Variants in TIMMDC1 observed in about 807,000 individuals in gnomAD.
The protein encoded by TIMMDC1 is complex I assembly factor TIMMDC1, mitochondrial.
Under a neutral mutation model 32.6 loss-of-function variants are expected in TIMMDC1, and 25 were observed. That is an observed-to-expected ratio of 0.77 (90% CI 0.56 to 1.07). The LOEUF is 1.07. Ranked by LOEUF, TIMMDC1 falls within the 50% of genes least tolerant of loss-of-function variation. The pLI is 0.00. For missense variants in TIMMDC1, 329 were observed against 349.2 expected, an observed-to-expected ratio of 0.94 and a Z score of 0.46; for synonymous variants, 130 against 127.6, an observed-to-expected ratio of 1.02 and a Z score of -0.13.
chr3:119,516,375 T>C (rs1162134646), intron 5 of TIMMDC1, among the ~76,000 whole-genome samples: 1 of 152,234 alleles, frequency 6.6e-6, no homozygotes, highest in African/African-American at 2.4e-5. Flanking sequence ...GCTTATTTAC[T>C]TAGCATAATA....
chr3:119,516,887 A>AAT lies in TIMMDC1; in HGVS notation c.597-309_597-308dup, dbSNP rs1221773379. Among the ~76,000 whole-genome samples, 8 of 152,200 alleles carry AAT rather than the reference A, an allele frequency of 5.3e-5. 1 individual carries two copies. In the South Asian group the frequency reaches 1.2e-3, roughly 24 times the overall value. On this transcript the variant is annotated intron_variant, in intron 5 of 6. Coordinates refer to ENST00000494664, the MANE Select transcript of TIMMDC1 (RefSeq NM_016589.4). ...GGGCTACTTACTAGAACTTGTCATA[A>AAT]ATATATATATTTTTCCTCTTTGTTT...
In TIMMDC1 at chr3:119,513,729, A is replaced by G. The variant is rs1331592311; in HGVS notation, c.596+10A>G. 5 of 1,577,830 alleles carry G rather than the reference A, an allele frequency of 3.2e-6. No homozygotes were observed. The East Asian group carries it at 9.2e-5, about 29-fold the overall frequency. On this transcript the variant is annotated intron_variant, in intron 5 of 6. Transcript: ENST00000494664. The stretch of plus-strand genomic sequence containing the variant: ...TTGGAGCCTTGCTGGGGTAAGCATT[A>G]ACATGGTTTGGTTCTAAATTGGCAC...
At chr3:119,500,409 A>G (rs547886046) in intron 1 of TIMMDC1, 193 of 299,756 alleles carry the variant, frequency 6.4e-4, no homozygotes, top group African/African-American at 3.9e-3. Context: ...ACCCAGCACT[A>G]AGAAAGAAAT....
At chr3:119,498,957 A>G (rs769609254) in intron 1 of TIMMDC1, 30 bp downstream of exon 1, 4 of 1,607,184 alleles carry the variant, frequency 2.5e-6, no homozygotes, top group Admixed American at 1.7e-5. Context: ...GAAGTGGGGT[A>G]GGGGGCCGCG....
At chr3:119,522,837 A>T (rs552012440) in intron 6 of TIMMDC1, among the ~76,000 whole-genome samples, 27 of 143,564 alleles carry the variant, frequency 1.9e-4, no homozygotes, top group South Asian at 6.7e-4. Context: ...TGTGTGTGTG[A>T]GATATTTCTA....
intron 5 of TIMMDC1, among the ~76,000 whole-genome samples, chr3:119,514,491 G>A (rs1423473496): frequency 1.3e-5 from 2 of 152,116 alleles, no homozygotes; most frequent in South Asian, 4.1e-4. Context: ...CTAAGTTAGG[G>A]TCTATATTAA....
intron 6 of TIMMDC1, 112 bp downstream of exon 6, chr3:119,517,427 T>C: frequency 1.5e-6 from 1 of 671,584 alleles, no homozygotes; most frequent in Non-Finnish European, 2.7e-6. Flanking sequence ...AAAGAAGAGT[T>C]TATTTTTACC....
chr3:119,521,866 A>G (rs1218292136), intron 6 of TIMMDC1, among the ~76,000 whole-genome samples: 1 of 152,184 alleles, frequency 6.6e-6, no homozygotes, highest in Non-Finnish European at 1.5e-5. Context: ...TTGGAGTGAT[A>G]TTTATCCCAA....
In TIMMDC1 at chr3:119,498,829, G is replaced by T; in HGVS notation, c.96G>T (p.Ser32=). ...VFAAEAVTAD[S]EVLEERQKRL... is the part of the protein sequence containing the mutation. The stretch of plus-strand genomic sequence containing the variant: ...CTGCCGAAGCTGTGACTGCCGATTC[G>T]GAAGTCCTTGAGGAGCGTCAGAAGC... The change falls in exon 1 of 7, where the codon TCG becomes TCT. Residue 32 remains serine, a synonymous_variant. Transcript: ENST00000494664. The T allele has an allele frequency of 6.2e-7, 1 of 1,614,168 alleles. No homozygotes were observed. The highest frequency in any genetic ancestry group is 8.5e-7 in the Non-Finnish European group (1 of 1,180,030).
intron 6 of TIMMDC1, among the ~76,000 whole-genome samples, chr3:119,519,374 C>T (rs2082007973): frequency 6.6e-6 from 1 of 151,962 alleles, no homozygotes; most frequent in Admixed American, 6.6e-5. Flanking sequence ...ACTCACTTCA[C>T]CTGTAAAGAT....
chr3:119,513,753 A>G (rs763078629), intron 5 of TIMMDC1, 34 bp downstream of exon 5: 2 of 1,396,562 alleles, frequency 1.4e-6, no homozygotes, highest in South Asian at 2.5e-5. Context: ...CTAAATTGGC[A>G]CAATTTTCAT....
In TIMMDC1 at chr3:119,513,710, C is replaced by T. The variant is rs1380376817; in HGVS notation, c.587C>T (p.Ala196Val). The change falls in exon 5 of 7, where the codon GCC becomes GTC. Residue 196 changes from alanine to valine, a missense_variant. Transcript: ENST00000494664. ...RGLVAGGIIG[A>V]LLGTPVGGLL... ...CTGGTGGCTGGTGGCATAATTGGAG[C>T]CTTGCTGGGGTAAGCATTAACATGG... 10 of 1,606,450 alleles carry T rather than the reference C, an allele frequency of 6.2e-6. No homozygotes were observed. Among genetic ancestry groups the T allele is most frequent in the African/African-American group, 1.3e-5 (1 of 74,264 alleles).
Position 119,513,710 on chromosome 3 carries a change from C to G in TIMMDC1, c.587C>G (p.Ala196Gly). Residue 196 changes from alanine to glycine, a missense_variant, in exon 5 of 7, where the codon GCC becomes GGC. Coordinates refer to ENST00000494664, the MANE Select transcript of TIMMDC1 (RefSeq NM_016589.4). ...CTGGTGGCTGGTGGCATAATTGGAG[C>G]CTTGCTGGGGTAAGCATTAACATGG... ...RGLVAGGIIG[A>G]LLGTPVGGLL... 1 of 1,606,568 alleles carries G rather than the reference C, an allele frequency of 6.2e-7. No individual in the cohort carries two copies.
intron 4 of TIMMDC1, among the ~76,000 whole-genome samples, chr3:119,506,659 G>A (rs1047301495): frequency 6.7e-6 from 1 of 150,190 alleles, no homozygotes; most frequent in African/African-American, 2.5e-5. Flanking sequence ...CTATCTTATC[G>A]TCCCTGTTTC....
intron 4 of TIMMDC1, among the ~76,000 whole-genome samples, chr3:119,511,618 A>AT (rs1339054241): frequency 1.3e-5 from 2 of 152,348 alleles, no homozygotes; most frequent in Non-Finnish European, 1.5e-5. Flanking sequence ...GCCACATAAA[A>AT]TTTTTAAACC....
In TIMMDC1 at chr3:119,523,606, G is replaced by C. The variant is rs1560051311; in HGVS notation, c.708G>C (p.Trp236Cys). 1.3e-6 allele frequency: 2 copies of C among 1,596,978 alleles called. No homozygotes were observed. Among genetic ancestry groups the C allele is most frequent in the Non-Finnish European group, 8.5e-7 (1 of 1,173,894 alleles). The change falls in exon 7 of 7, where the codon TGG becomes TGC. Residue 236 changes from tryptophan to cysteine, a missense_variant and splice_region_variant. Transcript: ENST00000494664. ...KALHELKLEE[W>C]KGRLQVTEHL... Reference sequence around the variant, plus strand: ...ATTTATCCTTTTTATCTGATTACAGGAAAGGCAGACTACAAGTTACTGAGC... The same window carrying C: ...ATTTATCCTTTTTATCTGATTACAGCAAAGGCAGACTACAAGTTACTGAGC...
At chr3:119,498,999 G>C (rs1246725188) in intron 1 of TIMMDC1, 72 bp downstream of exon 1, 18 of 1,413,860 alleles carry the variant, frequency 1.3e-5, no homozygotes, top group Non-Finnish European at 1.7e-5. Context: ...GGCAGCCTGG[G>C]TCAGCCTTAG....
At chr3:119,508,445 C>T (rs1370606033) in intron 4 of TIMMDC1, among the ~76,000 whole-genome samples, 2 of 152,218 alleles carry the variant, frequency 1.3e-5, no homozygotes, top group Non-Finnish European at 2.9e-5. Flanking sequence ...GAAGAGTTGT[C>T]AGTTTTTCCA....
At chr3:119,510,843 T>C (rs1331707030) in intron 4 of TIMMDC1, among the ~76,000 whole-genome samples, 2 of 152,244 alleles carry the variant, frequency 1.3e-5, no homozygotes, top group Non-Finnish European at 2.9e-5. Context: ...TAGGAAGATA[T>C]ATAAATGTGT....
Sources: gnomAD v4.1 joint callset for allele counts (sites outside exome capture counted in the v4.1 genomes callset) on GRCh38, gnomAD v4.1.1 for gene constraint, MANE v1.5 for transcripts, NCBI Gene and HGNC (gene_info 2026-07-23, HGNC 2026-07-21) for gene names.